The following STS variants were observed in gnomAD, a reference collection of about 807,000 sequenced individuals.
STS encodes the protein steroid sulfatase, also known as steryl-sulfatase.
STS carries 7 observed loss-of-function variants against 26.8 expected under a neutral mutation model. The ratio of observed to expected loss-of-function variants is 0.26; its 90% CI spans 0.15 to 0.49. The LOEUF is 0.49. STS is among the 20% of genes least tolerant of loss of function. STS has a pLI of 0.98. For synonymous variants in STS, 199 were observed against 189.4 expected, an observed-to-expected ratio of 1.05 and a Z score of -0.42; for missense variants, 434 against 465.6, an observed-to-expected ratio of 0.93 and a Z score of 0.63.
intron 6 of STS, among the ~76,000 whole-genome samples, chrX:7,275,477 T>C (rs199796038): frequency 9.0e-6 from 1 of 111,640 alleles, no homozygotes; most frequent in African/African-American, 3.3e-5. Flanking sequence ...ATTTGTATAA[T>C]TGTTTGCATA....
At chrX:7,229,894 G>A (rs753305300) in intron 2 of STS, among the ~76,000 whole-genome samples, 2 of 108,724 alleles carry the variant, frequency 1.8e-5, no homozygotes, top group African/African-American at 6.7e-5. Context: ...GTCGGGGGGC[G>A]GGGGGACAGG....
At position 7,233,091 on chromosome X, in the gene STS, CTT is replaced by C. The variant is rs3077766; in HGVS notation, c.-4-20086_-4-20085del. 4.8e-3 allele frequency among the ~76,000 whole-genome samples: 334 copies of C among 69,857 alleles called. 2 individuals carry two copies. The highest frequency in any genetic ancestry group is 0.015 in the African/African-American group (297 of 19,259). 60.7% of individuals were successfully genotyped at this position (69,857 alleles called of 115,157 possible). On this transcript the variant is annotated intron_variant, in intron 2 of 10. Coordinates refer to ENST00000674429, the MANE Select transcript of STS (RefSeq NM_001320752.2). ...CTTGGTCTCAGATATTTCTTTTTTTCTTTTTTTTTTTTTTTTTTTTGAGATGG... is the reference window on the plus strand; with the variant it reads ...CTTGGTCTCAGATATTTCTTTTTTTCTTTTTTTTTTTTTTTTTTGAGATGG...
chrX:7,252,172 C>T (rs1416440253), intron 2 of STS: 1 of 369,000 alleles, frequency 2.7e-6, no homozygotes, highest in East Asian at 2.1e-4. Flanking sequence ...AGATGAGAAA[C>T]AGAAAGAGAA....
At chrX:7,214,042 C>G (rs1359578674) in intron 2 of STS, among the ~76,000 whole-genome samples, 4 of 111,627 alleles carry the variant, frequency 3.6e-5, no homozygotes, top group Non-Finnish European at 7.5e-5. Context: ...GAGCTATGAT[C>G]TCACCACTGT....
At chrX:7,191,373 T>C (rs1933869670) in intron 2 of STS, among the ~76,000 whole-genome samples, 1 of 112,188 alleles carries the variant, frequency 8.9e-6, no homozygotes, top group Admixed American at 9.4e-5. Flanking sequence ...TAATGCATCC[T>C]CTGGACCCTT....
chrX:7,288,284 A>G (rs1010108794), intron 7 of STS, among the ~76,000 whole-genome samples: 1 of 108,230 alleles, frequency 9.2e-6, no homozygotes, highest in Non-Finnish European at 1.9e-5. Flanking sequence ...TTACTCCCCT[A>G]CAAATTACAG....
chrX:7,163,311 T>G (rs955030600), intron 1 of STS, among the ~76,000 whole-genome samples: 2 of 112,236 alleles, frequency 1.8e-5, no homozygotes, highest in East Asian at 5.6e-4. Context: ...CTGTCTCTTG[T>G]GTAGAATCAC....
At chrX:7,336,368 T>G (rs994256047) in intron 10 of STS, among the ~76,000 whole-genome samples, 1 of 110,658 alleles carries the variant, frequency 9.0e-6, no homozygotes. Flanking sequence ...CTAGCCAATT[T>G]ACCCAAGACT....
chrX:7,232,475 T>G (rs1400958443), intron 2 of STS, among the ~76,000 whole-genome samples: 3 of 111,842 alleles, frequency 2.7e-5, no homozygotes, highest in Non-Finnish European at 5.6e-5. Context: ...TTCTTATGCC[T>G]TAGTTTGTCT....
chrX:7,327,455 C>G lies in STS; in HGVS notation c.1241+1957C>G, dbSNP rs923148636. Among the ~76,000 whole-genome samples the G allele has an allele frequency of 1.2e-4, 13 of 106,774 alleles. No homozygotes were observed. The Admixed American group carries it at 1.3e-3, about 11-fold the overall frequency. The allele number at this position is 106,774 out of a possible 115,157, so 92.7% of individuals were successfully genotyped here. On this transcript the variant is annotated intron_variant, in intron 9 of 10. Transcript: ENST00000674429. ...CTGGAGTGCAGTGGCGCGATCTCAG[C>G]TCACTGCAACCTGCGACTCCCAAGC...
chrX:7,207,766 A>C (rs1439901722), intron 2 of STS, among the ~76,000 whole-genome samples: 1 of 112,495 alleles, frequency 8.9e-6, no homozygotes, highest in Non-Finnish European at 1.9e-5. Flanking sequence ...CATAATTATA[A>C]ACTGGTCAGG....
intron 2 of STS, among the ~76,000 whole-genome samples, chrX:7,239,586 G>A (rs1343126311): frequency 9.0e-6 from 1 of 111,638 alleles, no homozygotes; most frequent in African/African-American, 3.3e-5. Context: ...AGGAATAGCT[G>A]CTTTCTCCAC....
At position 7,164,013 on chromosome X, in the gene STS, G is replaced by A. The variant is rs182297402; in HGVS notation, c.-134+15930G>A. Among the ~76,000 whole-genome samples the A allele has an allele frequency of 3.5e-4, 39 of 110,638 alleles. 1 individual carries two copies. The highest frequency in any genetic ancestry group is 9.2e-3 in the Middle Eastern group (2 of 217). ...TTTTTTTGTATTTTTTGGTAGAGACGGGGTTTTACCATGTTGGCCAGGCTG... is the reference window on the plus strand; with the variant it reads ...TTTTTTTGTATTTTTTGGTAGAGACAGGGTTTTACCATGTTGGCCAGGCTG... On this transcript the variant is annotated intron_variant, in intron 1 of 10. Transcript: ENST00000674429.
intron 2 of STS, among the ~76,000 whole-genome samples, chrX:7,208,238 T>C (rs1435456682): frequency 1.8e-5 from 2 of 112,277 alleles, no homozygotes; most frequent in Non-Finnish European, 3.8e-5. Context: ...TTTTTAAAAG[T>C]GTCTTTGTTT....
At chrX:7,331,544 C>A (rs769264164) in intron 9 of STS, among the ~76,000 whole-genome samples, 2 of 111,425 alleles carry the variant, frequency 1.8e-5, no homozygotes, top group Non-Finnish European at 3.8e-5. Context: ...GAGAAAACAG[C>A]AATGCTTTGA....
At chrX:7,162,328 A>ATAT (rs1224902566) in intron 1 of STS, among the ~76,000 whole-genome samples, 2 of 111,534 alleles carry the variant, frequency 1.8e-5, no homozygotes, top group African/African-American at 6.5e-5. Context: ...AAGCAGTATA[A>ATAT]ATACTGCAAG....
chrX:7,324,367 C>T (rs745515052), intron 8 of STS, among the ~76,000 whole-genome samples: 11 of 110,918 alleles, frequency 9.9e-5, no homozygotes, highest in African/African-American at 1.3e-4. Flanking sequence ...ACAGATTGTA[C>T]GTGTTTCTTA....
intron 7 of STS, among the ~76,000 whole-genome samples, chrX:7,280,255 T>G (rs1036223703): frequency 9.9e-5 from 11 of 111,086 alleles, no homozygotes; most frequent in Non-Finnish European, 2.1e-4. Flanking sequence ...AGTAAGAAAT[T>G]TAAGATTCTT....
intron 10 of STS, among the ~76,000 whole-genome samples, chrX:7,342,823 T>A (rs1407693835): frequency 9.8e-5 from 11 of 111,896 alleles, no homozygotes; most frequent in Non-Finnish European, 2.1e-4. Context: ...GGCTCAGGTA[T>A]GGACACACTG....
Sources: gnomAD v4.1 joint callset for allele counts (sites outside exome capture counted in the v4.1 genomes callset) on GRCh38, gnomAD v4.1.1 for gene constraint, MANE v1.5 for transcripts, NCBI Gene and HGNC (gene_info 2026-07-23, HGNC 2026-07-21) for gene names.